Variants in CDH12 observed in about 807,000 individuals in gnomAD.
CDH12 encodes cadherin-12.
In CDH12, 41 loss-of-function variants were observed where a neutral mutation model predicts 74.1. The ratio of observed to expected loss-of-function variants is 0.55; its 90% CI spans 0.43 to 0.72. CDH12 has a LOEUF of 0.72. Ranked by LOEUF, CDH12 falls within the 30% of genes least tolerant of loss-of-function variation. The pLI is 0.00. For missense variants in CDH12, 945 were observed against 977.2 expected (o/e 0.97, Z 0.44); for synonymous variants, 399 against 355.0 (o/e 1.12, Z -1.39).
chr5:22,636,604 A>T (rs890076567), intron 1 of CDH12, among the ~76,000 whole-genome samples: 1 of 152,192 alleles, frequency 6.6e-6, no homozygotes, highest in Non-Finnish European at 1.5e-5. Context: ...TCTATATAAA[A>T]ATGTCTAGAA....
intron 14 of CDH12, 40 bp from the exon 15 acceptor site, chr5:21,752,276 A>AGAT: frequency 6.5e-7 from 1 of 1,537,074 alleles, no homozygotes; most frequent in Non-Finnish European, 8.8e-7. Flanking sequence ...AATAGAAAGC[A>AGAT]GATAGGTCAT....
chr5:21,912,891 G>A (rs1235984712), intron 6 of CDH12, among the ~76,000 whole-genome samples: 1 of 152,114 alleles, frequency 6.6e-6, no homozygotes, highest in African/African-American at 2.4e-5. Flanking sequence ...CACCCAAGCT[G>A]GAGTGCAGTG....
chr5:22,333,658 A>G (rs2150447509), intron 3 of CDH12, among the ~76,000 whole-genome samples: 1 of 152,326 alleles, frequency 6.6e-6, no homozygotes, highest in South Asian at 2.1e-4. Flanking sequence ...ACTGATCCCC[A>G]AACTAGAAAA....
intron 3 of CDH12, among the ~76,000 whole-genome samples, chr5:22,370,714 A>T (rs1050997779): frequency 3.3e-5 from 5 of 152,176 alleles, no homozygotes; most frequent in African/African-American, 1.2e-4. Flanking sequence ...CAAGTTCAGT[A>T]GGAAACCTTG....
intron 4 of CDH12, among the ~76,000 whole-genome samples, chr5:22,158,032 C>T (rs1226244993): frequency 6.6e-6 from 1 of 151,948 alleles, no homozygotes; most frequent in African/African-American, 2.4e-5. Flanking sequence ...TATGTGTACT[C>T]ATACCTAGTC....
chr5:22,005,093 T>G (rs113679786), intron 5 of CDH12, among the ~76,000 whole-genome samples: 5,561 of 152,224 alleles, frequency 0.037, 345 homozygotes, highest in African/African-American at 0.13. Flanking sequence ...CAGGCTGGAG[T>G]GCAATGGCGC....
intron 1 of CDH12, among the ~76,000 whole-genome samples, chr5:22,688,568 A>G (rs1741929123): frequency 2.0e-5 from 3 of 152,202 alleles, no homozygotes; most frequent in African/African-American, 7.2e-5. Context: ...TCTGTAACGA[A>G]TAATACCATC....
At chr5:22,123,681 C>T (rs988106211) in intron 4 of CDH12, among the ~76,000 whole-genome samples, 5 of 152,070 alleles carry the variant, frequency 3.3e-5, no homozygotes, top group Non-Finnish European at 5.9e-5. Flanking sequence ...AATGTGTTGC[C>T]TTTGTATTCT....
intron 3 of CDH12, among the ~76,000 whole-genome samples, chr5:22,368,439 C>G (rs1002992078): frequency 1.1e-4 from 16 of 149,786 alleles, no homozygotes; most frequent in Non-Finnish European, 2.4e-4. Context: ...GCTGGGACTA[C>G]AAGGAGTCTA....
intron 4 of CDH12, among the ~76,000 whole-genome samples, chr5:22,130,287 A>G (rs1746110580): frequency 6.6e-6 from 1 of 151,672 alleles, no homozygotes; most frequent in Non-Finnish European, 1.5e-5. Context: ...TTCTGAAGAA[A>G]CACACAAAGT....
intron 3 of CDH12, among the ~76,000 whole-genome samples, chr5:22,321,737 T>A (rs1738892876): frequency 6.6e-6 from 1 of 152,160 alleles, no homozygotes; most frequent in Non-Finnish European, 1.5e-5. Context: ...GGAATTAAAA[T>A]TTTTATTTTT....
chr5:22,575,514 TC>T (rs1739741282), intron 1 of CDH12, among the ~76,000 whole-genome samples: 1 of 152,022 alleles, frequency 6.6e-6, no homozygotes, highest in African/African-American at 2.4e-5. Flanking sequence ...CACATCAGCC[TC>T]CCAAGTGGGT....
chr5:22,509,429 G>T (rs150491442), intron 1 of CDH12, among the ~76,000 whole-genome samples: 1 of 152,278 alleles, frequency 6.6e-6, no homozygotes, highest in Non-Finnish European at 1.5e-5. Flanking sequence ...TACTGGTACA[G>T]TACACCTTTC....
chr5:21,984,245 C>A (rs1454970806), intron 5 of CDH12, among the ~76,000 whole-genome samples: 1 of 152,144 alleles, frequency 6.6e-6, no homozygotes, highest in African/African-American at 2.4e-5. Context: ...GTTCTAAGCA[C>A]AATGGTGTCC....
chr5:21,995,128 C>A (rs190121799), intron 5 of CDH12, among the ~76,000 whole-genome samples: 4 of 152,142 alleles, frequency 2.6e-5, no homozygotes, highest in Admixed American at 2.0e-4. Flanking sequence ...TTGGAAGGAA[C>A]AAACTCCGGA....
intron 5 of CDH12, among the ~76,000 whole-genome samples, chr5:21,994,373 A>G (rs184350287): frequency 5.6e-4 from 85 of 152,270 alleles, no homozygotes; most frequent in Non-Finnish European, 9.7e-4. Context: ...TGACTTTTCC[A>G]CATACAATGT....
chr5:22,747,456 T>C (rs1490488047), intron 1 of CDH12, among the ~76,000 whole-genome samples: 3 of 144,040 alleles, frequency 2.1e-5, no homozygotes, highest in East Asian at 4.0e-4. Flanking sequence ...AGACCCTGTC[T>C]GTACAAAAAA....
At chr5:22,121,450 C>T (rs958566568) in intron 4 of CDH12, among the ~76,000 whole-genome samples, 2 of 152,178 alleles carry the variant, frequency 1.3e-5, no homozygotes, top group African/African-American at 2.4e-5. Context: ...CTAACAAAGA[C>T]ATGCAGTTCA....
rs74591427 is a variant in CDH12, at chr5:22,713,306, G to A, written c.-523+139752C>T. Among the ~76,000 whole-genome samples, 1,287 of 151,348 alleles carry A rather than the reference G, an allele frequency of 8.5e-3. 15 individuals carry two copies. The highest frequency in any genetic ancestry group is 0.03 in the African/African-American group (1,229 of 41,252). On this transcript the variant is annotated intron_variant, in intron 1 of 14. Transcript: ENST00000382254. Reference sequence around the variant, plus strand: ...CAGGCACAAACCACCATGCCCCACTGATTTTTTTGTATTTTTAGTAGAGAC... The same window carrying A: ...CAGGCACAAACCACCATGCCCCACTAATTTTTTTGTATTTTTAGTAGAGAC...
Sources: gnomAD v4.1 joint callset for allele counts (sites outside exome capture counted in the v4.1 genomes callset) on GRCh38, gnomAD v4.1.1 for gene constraint, MANE v1.5 for transcripts, NCBI Gene and HGNC (gene_info 2026-07-23, HGNC 2026-07-21) for gene names.